The following ASXL1 variants were observed in gnomAD, a reference collection of about 807,000 sequenced individuals.
The protein encoded by ASXL1 is polycomb group protein ASXL1.
Under a neutral mutation model 89.1 loss-of-function variants are expected in ASXL1, and 65 were observed. The ratio of observed to expected loss-of-function variants is 0.73; its 90% confidence interval spans 0.60 to 0.90. The LOEUF (loss-of-function observed/expected upper bound fraction) is 0.90. ASXL1 is among the 40% of genes least tolerant of loss of function. ASXL1 has a pLI of 0.00. For missense variants in ASXL1, 1,786 were observed against 1,942.9 expected, an observed-to-expected ratio of 0.92 and a Z score of 1.52; for synonymous variants, 739 against 746.9, an observed-to-expected ratio of 0.99 and a Z score of 0.17.
Position 32,435,736 on chromosome 20 carries a change from C to G in ASXL1, c.3024C>G (p.His1008Gln). The G allele has an allele frequency of 6.2e-7, 1 of 1,614,186 alleles. No homozygotes were observed. Among genetic ancestry groups the G allele is most frequent in the Non-Finnish European group, 8.5e-7 (1 of 1,180,038 alleles). Reference protein sequence around the residue: ...STDTASDFEGHLTEDSSEADT... With the variant: ...STDTASDFEGQLTEDSSEADT... ...ATACAGCCTCTGACTTTGAAGGTCA[C>G]CTCACGGAGGACAGCAGTGAGGCTG... The change falls in exon 13 of 13, where the codon CAC becomes CAG. Residue 1008 changes from histidine (H) to glutamine (Q), a missense_variant. Physicochemically the swap from His to Gln is conservative, Grantham distance 24. Around this residue, in one of 3 missense-constraint regions of ASXL1, gnomAD observed 1,418 missense variants for 1,427.8 expected, o/e 0.99. Transcript: ENST00000375687.
At chr20:32,411,573 G>A (rs71338904) in intron 4 of ASXL1, among the ~76,000 whole-genome samples, 3 of 128,034 alleles carry the variant, frequency 2.3e-5, no homozygotes, top group African/African-American at 6.0e-5. Flanking sequence ...ATGAAGACTC[G>A]CTCTGTTGCC....
intron 4 of ASXL1, among the ~76,000 whole-genome samples, chr20:32,392,996 T>C (rs1321911713): frequency 6.6e-6 from 1 of 152,080 alleles, no homozygotes; most frequent in Non-Finnish European, 1.5e-5. Context: ...TGATTGATAA[T>C]GTTCAAGTCT....
chr20:32,439,203 T>G lies in ASXL1; in HGVS notation c.*1865T>G, dbSNP rs948352013. ...TCCTCTTCTTCCCTCTGCTGGAACCTTTGGGGACACTCAAGGGTACAGTTT... is the reference window on the plus strand; with the variant it reads ...TCCTCTTCTTCCCTCTGCTGGAACCGTTGGGGACACTCAAGGGTACAGTTT... On this transcript the variant is annotated 3_prime_UTR_variant, in exon 13 of 13. Transcript: ENST00000375687. 8.6e-6 allele frequency: 2 copies of G among 233,338 alleles called. No homozygotes were observed. Among genetic ancestry groups the G allele is most frequent in the African/African-American group, 4.4e-5 (2 of 45,322 alleles). The allele number at this position is 233,338 out of a possible 1,614,324, so 14.5% of individuals were successfully genotyped here. A position where few individuals can be genotyped will look rare whatever the true frequency, so the allele number is the denominator to read the frequency against.
chr20:32,389,843 G>A (rs1160020732), intron 4 of ASXL1, among the ~76,000 whole-genome samples: 1 of 152,192 alleles, frequency 6.6e-6, no homozygotes, highest in African/African-American at 2.4e-5. Context: ...GTTGGGATTA[G>A]AGGTATGAGC....
chr20:32,359,975 A>G (rs1425691842), intron 1 of ASXL1: 1 of 608,204 alleles, frequency 1.6e-6, no homozygotes, highest in African/African-American at 1.9e-5. Flanking sequence ...TTTATATGTA[A>G]TGGTTGTAAT....
In ASXL1 at chr20:32,436,367, C is replaced by T. The variant is rs774688930; in HGVS notation, c.3655C>T (p.Pro1219Ser). 3.1e-6 allele frequency: 5 copies of T among 1,613,654 alleles called. No homozygotes were observed. In the South Asian group the frequency reaches 5.5e-5, roughly 18 times the overall value. Reference sequence around the variant, plus strand: ...TGACTCCCTCCATCCAGTGACAAATCCCATTACATCCTCTAGGAAACTGGA... The same window carrying T: ...TGACTCCCTCCATCCAGTGACAAATTCCATTACATCCTCTAGGAAACTGGA... ...SFDSLHPVTN[P>S]ITSSRKLEEM... The change falls in exon 13 of 13, where the codon CCC (proline) becomes TCC (serine). Residue 1219 changes from proline to serine, a missense_variant. Around this residue, in one of 3 missense-constraint regions of ASXL1, gnomAD observed 1,418 missense variants for 1,427.8 expected, o/e 0.99. Coordinates refer to ENST00000375687, the MANE Select transcript of ASXL1 (RefSeq NM_015338.6).
intron 4 of ASXL1, among the ~76,000 whole-genome samples, chr20:32,423,403 G>T (rs6057579): frequency 0.059 from 8,934 of 150,614 alleles, 331 homozygotes; most frequent in African/African-American, 0.1. Flanking sequence ...CTAATTTTTT[G>T]TGTGTGTGTG....
intron 12 of ASXL1, 118 bp downstream of exon 12, chr20:32,434,035 T>C: frequency 7.1e-7 from 1 of 1,412,176 alleles, no homozygotes. Context: ...GTAGAGCTTT[T>C]TATGAGAGGT....
At chr20:32,422,229 T>A (rs575102406) in intron 4 of ASXL1, among the ~76,000 whole-genome samples, 1 of 151,032 alleles carries the variant, frequency 6.6e-6, no homozygotes, top group African/African-American at 2.4e-5. Context: ...ACAAGGAAAC[T>A]TTTGGGGGTG....
chr20:32,420,105 G>C (rs957445635), intron 4 of ASXL1, among the ~76,000 whole-genome samples: 2 of 150,838 alleles, frequency 1.3e-5, no homozygotes, highest in African/African-American at 4.9e-5. Flanking sequence ...CTAGGTCTGA[G>C]TCTCTTGGAT....
At position 32,391,978 on chromosome 20, in the gene ASXL1, T is replaced by C. The variant is rs114471359; in HGVS notation, c.252+22855T>C. On this transcript the variant is annotated intron_variant, in intron 4 of 12. Transcript: ENST00000375687. ...TAGTTGGACCTTGATTTTTTTTTTT[T>C]CCCTAATTCTTTTACTTGGGATGCT... 4.5e-3 allele frequency among the ~76,000 whole-genome samples: 691 copies of C among 152,108 alleles called. 6 individuals are homozygous for C. The highest frequency in any genetic ancestry group is 0.015 in the African/African-American group (622 of 41,516).
Position 32,432,948 on chromosome 20 carries a change from T to C in ASXL1, c.1048T>C (p.Trp350Arg). Residue 350 changes from tryptophan to arginine, a missense_variant, in exon 11 of 13, where the codon TGG becomes CGG. This residue lies in a region of ASXL1 where 1,418 missense variants were observed against 1,427.8 expected (regional missense o/e 0.99). Coordinates refer to ENST00000375687, the MANE Select transcript of ASXL1 (RefSeq NM_015338.6). ...GGAGAAGGAAAAGAAGGTGGAACAA[T>C]GGAAAGAAAAGTTCTTTGAAGACTA... ...EMEKEKKVEQ[W>R]KEKFFEDYYG... The C allele has an allele frequency of 6.2e-7, 1 of 1,613,952 alleles. No individual in the cohort carries two copies. The highest frequency in any genetic ancestry group is 1.1e-5 in the South Asian group (1 of 91,070).
intron 6 of ASXL1, chr20:32,428,648 C>CT: frequency 2.8e-5 from 5 of 178,528 alleles, no homozygotes; most frequent in South Asian, 1.2e-4. Context: ...TGATTTTGTT[C>CT]ATTCTTTTTT....
chr20:32,371,344 A>G (rs1210935873), intron 4 of ASXL1, among the ~76,000 whole-genome samples: 2 of 152,126 alleles, frequency 1.3e-5, no homozygotes, highest in Non-Finnish European at 2.9e-5. Flanking sequence ...GGAGTGCAGT[A>G]TCATAGTCAC....
intron 4 of ASXL1, among the ~76,000 whole-genome samples, chr20:32,377,988 G>GTGTGTGTGTGTGTGTGTGTGTA (rs1480059687): frequency 6.7e-6 from 1 of 148,274 alleles, no homozygotes; most frequent in Non-Finnish European, 1.5e-5. Flanking sequence ...GTGTGTGTGT[G>GTGTGTGTGTGTGTGTGTGTGTA]TGTGTGTGTG....
At chr20:32,434,130 G>C in intron 12 of ASXL1, 1 of 771,158 alleles carries the variant, frequency 1.3e-6, no homozygotes, top group East Asian at 2.7e-5. Flanking sequence ...TATCTTGAGA[G>C]GTCAAAATCC....
rs1462539079 is a variant in ASXL1, at chr20:32,435,103, A to G, written c.2391A>G (p.Glu797=). 1.2e-6 allele frequency: 2 copies of G among 1,613,866 alleles called. No homozygotes were observed. Among genetic ancestry groups the G allele is most frequent in the East Asian group, 4.5e-5 (2 of 44,878 alleles). ...TECESGTTSW[E]SDDEEQGPTV... ...GTGAGTCTGGCACCACTTCCTGGGA[A>G]AGTGATGATGAGGAGCAAGGACCCA... The change falls in exon 13 of 13, where the codon GAA becomes GAG. Residue 797 remains glutamate (E), a synonymous_variant. Transcript: ENST00000375687.
Position 32,437,584 on chromosome 20 carries a change from A to G in ASXL1, c.*246A>G, listed in dbSNP as rs2012001729. On this transcript the variant is annotated 3_prime_UTR_variant, in exon 13 of 13. Coordinates refer to ENST00000375687, the MANE Select transcript of ASXL1 (RefSeq NM_015338.6). Reference sequence around the variant, plus strand: ...CAGCCAGCCTGAGCTCTCCTGCAAGACAGAGCCTGATGTGGCACGGAGTGG... The same window carrying G: ...CAGCCAGCCTGAGCTCTCCTGCAAGGCAGAGCCTGATGTGGCACGGAGTGG... The G allele has an allele frequency of 1.8e-6, 1 of 566,896 alleles. No homozygotes were observed. The highest frequency in any genetic ancestry group is 1.9e-5 in the African/African-American group (1 of 53,258). 35.1% of individuals were successfully genotyped at this position (566,896 alleles called of 1,614,324 possible). A position where few individuals can be genotyped will look rare whatever the true frequency, so the allele number is the denominator to read the frequency against.
chr20:32,372,995 T>C (rs915562378), intron 4 of ASXL1, among the ~76,000 whole-genome samples: 11 of 150,664 alleles, frequency 7.3e-5, no homozygotes, highest in Admixed American at 1.3e-4. Flanking sequence ...CAGGCTGGTC[T>C]TGAACTTTTG....
Sources: gnomAD v4.1 joint callset for allele counts (sites outside exome capture counted in the v4.1 genomes callset) on GRCh38, gnomAD v4.1.1 for gene constraint, gnomAD v4.1.1 regional missense constraint, MANE v1.5 for transcripts, NCBI Gene and HGNC (gene_info 2026-07-23, HGNC 2026-07-21) for gene names.